KYAT1: variants seen among roughly 807,000 people sequenced by gnomAD.
KYAT1 encodes kynurenine aminotransferase 1.
Under a neutral mutation model 52.4 loss-of-function variants are expected in KYAT1, and 47 were observed. The observed-to-expected ratio is 0.90, with a 90% CI of 0.71 to 1.14. The LOEUF (loss-of-function observed/expected upper bound fraction) is 1.14. Among genes scored for constraint, KYAT1 ranks in the 50% most tolerant of loss-of-function variants. The pLI is 0.00. For missense variants in KYAT1, 480 were observed against 557.9 expected, an observed-to-expected ratio of 0.86 and a Z score of 1.41; for synonymous variants, 212 against 209.6, an observed-to-expected ratio of 1.01 and a Z score of -0.10.
intron 11 of KYAT1, among the ~76,000 whole-genome samples, chr9:128,834,127 G>A (rs1224714565): frequency 1.3e-5 from 2 of 152,126 alleles, no homozygotes; most frequent in African/African-American, 2.4e-5. Flanking sequence ...GTGTGGTGGC[G>A]CATGCCTGTA....
At chr9:128,861,121 C>T (rs1006083026) in intron 1 of KYAT1, among the ~76,000 whole-genome samples, 2 of 152,210 alleles carry the variant, frequency 1.3e-5, no homozygotes, top group Non-Finnish European at 1.5e-5. Context: ...ATCTGCCAAA[C>T]GCAATACAAT....
chr9:128,875,248 G>GTTTTTTTTT (rs1201067985), intron 1 of KYAT1, among the ~76,000 whole-genome samples: 1 of 108,344 alleles, frequency 9.2e-6, no homozygotes, highest in Non-Finnish European at 2.0e-5. Flanking sequence ...GTTTTTTTTT[G>GTTTTTTTTT]TTTTTTTTTT....
chr9:128,839,821 G>A (rs1176679578), intron 3 of KYAT1, among the ~76,000 whole-genome samples: 1 of 152,180 alleles, frequency 6.6e-6, no homozygotes, highest in East Asian at 1.9e-4. Flanking sequence ...GGAGTATGAG[G>A]CGGGAGGGTT....
intron 1 of KYAT1, among the ~76,000 whole-genome samples, chr9:128,867,438 C>CA (rs1488242107): frequency 6.6e-6 from 1 of 152,124 alleles, no homozygotes; most frequent in Non-Finnish European, 1.5e-5. Flanking sequence ...CTTGACCTCT[C>CA]AAAGTGCTGG....
chr9:128,857,910 T>G (rs1834888385), intron 1 of KYAT1, among the ~76,000 whole-genome samples: 1 of 152,044 alleles, frequency 6.6e-6, no homozygotes, highest in Admixed American at 6.5e-5. Context: ...AACATAGGAA[T>G]AAATCTCTGT....
At chr9:128,844,066 C>T (rs1385040643) in intron 2 of KYAT1, among the ~76,000 whole-genome samples, 1 of 152,140 alleles carries the variant, frequency 6.6e-6, no homozygotes, top group Non-Finnish European at 1.5e-5. Context: ...GCCCCACCAG[C>T]CCAGGCACAC....
At chr9:128,881,328 G>T (rs1025702675) in intron 1 of KYAT1, among the ~76,000 whole-genome samples, 3 of 152,060 alleles carry the variant, frequency 2.0e-5, no homozygotes, top group African/African-American at 7.2e-5. Context: ...TGATCCGCCC[G>T]CCTCGGCCTC....
chr9:128,859,725 T>A (rs2130646566), intron 1 of KYAT1, among the ~76,000 whole-genome samples: 1 of 151,390 alleles, frequency 6.6e-6, no homozygotes, highest in East Asian at 2.0e-4. Flanking sequence ...CTCGGCTCAC[T>A]GCAAGCTCTG....
At chr9:128,865,415 T>G (rs2130734058) in intron 1 of KYAT1, among the ~76,000 whole-genome samples, 1 of 129,380 alleles carries the variant, frequency 7.7e-6, no homozygotes, top group African/African-American at 3.2e-5. Context: ...CAGGCTGGAG[T>G]GCAATGGTGC....
At chr9:128,870,480 T>C (rs1195431888) in intron 1 of KYAT1, among the ~76,000 whole-genome samples, 1 of 152,058 alleles carries the variant, frequency 6.6e-6, no homozygotes, top group Non-Finnish European at 1.5e-5. Context: ...CTACAAAAAA[T>C]ACAAAAATCA....
At chr9:128,856,240 T>C (rs1451755221) in intron 1 of KYAT1, among the ~76,000 whole-genome samples, 2 of 152,186 alleles carry the variant, frequency 1.3e-5, no homozygotes, top group African/African-American at 4.8e-5. Context: ...ACTGAGGCAA[T>C]GGTGAAAGCT....
rs756255217 is a variant in KYAT1 at position 128,838,156 on chromosome 9, C to G, written c.352-19G>C. On this transcript the variant is annotated intron_variant, in intron 4 of 12. Coordinates refer to ENST00000302586, the MANE Select transcript of KYAT1 (RefSeq NM_004059.5). ...TGATGACCTGATATAAGGGTCAAATCAGCTGGAGTCAGCATGGCCCTGACC... is the reference window on the plus strand; with the variant it reads ...TGATGACCTGATATAAGGGTCAAATGAGCTGGAGTCAGCATGGCCCTGACC... 1 of 1,614,128 alleles carries G rather than the reference C, an allele frequency of 6.2e-7. No homozygotes were observed. The highest frequency in any genetic ancestry group is 2.2e-5 in the East Asian group (1 of 44,878).
At chr9:128,878,798 C>A (rs1838382860) in intron 1 of KYAT1, among the ~76,000 whole-genome samples, 1 of 152,074 alleles carries the variant, frequency 6.6e-6, no homozygotes, top group Non-Finnish European at 1.5e-5. Flanking sequence ...GGCACAGGAC[C>A]CAGATTCAAA....
At chr9:128,842,121 G>C in intron 3 of KYAT1, 1 of 361,324 alleles carries the variant, frequency 2.8e-6, no homozygotes, top group South Asian at 2.1e-5. Flanking sequence ...GAGACTGGCA[G>C]GGTCAAGGCT....
chr9:128,846,871 A>AGT, intron 1 of KYAT1: 2 of 1,531,670 alleles, frequency 1.3e-6, no homozygotes, highest in Non-Finnish European at 1.7e-6. Flanking sequence ...TGTGGTCAAT[A>AGT]GTGAACCCTG....
At chr9:128,838,502 G>A (rs1480174788) in intron 3 of KYAT1, 135 bp from the exon 4 acceptor site, 4 of 916,816 alleles carry the variant, frequency 4.4e-6, no homozygotes, top group Middle Eastern at 2.3e-4. Flanking sequence ...TGGGCCCCAG[G>A]GGACGTGGAA....
intron 1 of KYAT1, among the ~76,000 whole-genome samples, chr9:128,859,428 G>A (rs1384126308): frequency 6.6e-6 from 1 of 152,092 alleles, no homozygotes; most frequent in Non-Finnish European, 1.5e-5. Context: ...AGCACTTTGG[G>A]AGGCTGAGGT....
chr9:128,835,148 A>G, intron 11 of KYAT1, 175 bp downstream of exon 11: 1 of 643,534 alleles, frequency 1.6e-6, no homozygotes, highest in Non-Finnish European at 2.7e-6. Flanking sequence ...CAAAAAAAAA[A>G]AAGAAAGAAA....
intron 1 of KYAT1, chr9:128,860,611 G>A (rs938117043): frequency 9.9e-5 from 15 of 151,488 alleles, no homozygotes; most frequent in Non-Finnish European, 1.8e-4. Context: ...TGTCGCCCAG[G>A]GTGGAGTGCA....
Sources: allele counts gnomAD v4.1 joint callset (sites outside exome capture counted in the v4.1 genomes callset), GRCh38; gene constraint gnomAD v4.1.1; transcripts MANE v1.5; gene names NCBI Gene and HGNC (gene_info 2026-07-23, HGNC 2026-07-21).